The following FRS2 variants were observed in gnomAD, a reference collection of about 807,000 sequenced individuals.
The protein encoded by FRS2 is fibroblast growth factor receptor substrate 2.
FRS2 carries 8 observed loss-of-function variants against 43.9 expected under a neutral mutation model. The ratio of observed to expected loss-of-function variants is 0.18; its 90% CI spans 0.11 to 0.33. The LOEUF is 0.33. Ranked by LOEUF, FRS2 falls within the 10% of genes least tolerant of loss-of-function variation. FRS2 has a pLI of 1.00. For synonymous variants in FRS2, 219 were observed against 220.3 expected, an observed-to-expected ratio of 0.99 and a Z score of 0.05; for missense variants, 534 against 627.6, an observed-to-expected ratio of 0.85 and a Z score of 1.59.
chr12:69,480,595 A>G (rs1490584837), intron 1 of FRS2, among the ~76,000 whole-genome samples: 1 of 152,208 alleles, frequency 6.6e-6, no homozygotes, highest in East Asian at 1.9e-4. Flanking sequence ...CTTCCCAAGT[A>G]TCTGGGAGCA....
At chr12:69,495,203 C>T (rs1370132923) in intron 1 of FRS2, among the ~76,000 whole-genome samples, 1 of 152,136 alleles carries the variant, frequency 6.6e-6, no homozygotes, top group Non-Finnish European at 1.5e-5. Context: ...TTTCTCATCC[C>T]AGAACACATA....
Position 69,562,200 on chromosome 12 carries a change from A to C in FRS2, c.-101A>C, listed in dbSNP as rs1457995356. 1 of 398,240 alleles carries C rather than the reference A, an allele frequency of 2.5e-6. No individual in the cohort carries two copies. The highest frequency in any genetic ancestry group is 4.4e-6 in the Non-Finnish European group (1 of 225,914). 24.7% of individuals were successfully genotyped at this position (398,240 alleles called of 1,614,324 possible). On this transcript the variant is annotated 5_prime_UTR_variant, in exon 4 of 9. Transcript: ENST00000549921. ...TTTAGGTTAAATCAGCAAACAAAGA[A>C]AACATGGTATTTTGAAATATGATTA...
At chr12:69,482,744 C>T (rs2120766717) in intron 1 of FRS2, among the ~76,000 whole-genome samples, 1 of 152,308 alleles carries the variant, frequency 6.6e-6, no homozygotes, top group Admixed American at 6.5e-5. Context: ...AGGGCTCTTG[C>T]TTAATAAATT....
chr12:69,472,504 ATAGT>A (rs555760681), intron 1 of FRS2, among the ~76,000 whole-genome samples: 3 of 152,208 alleles, frequency 2.0e-5, no homozygotes, highest in Non-Finnish European at 2.9e-5. Context: ...ATCTGGAAAA[ATAGT>A]TAAGTTAGAT....
chr12:69,568,937 A>C, intron 4 of FRS2, 68 bp from the exon 5 acceptor site: 1 of 707,212 alleles, frequency 1.4e-6, no homozygotes, highest in South Asian at 2.0e-5. Context: ...TGATTTCTAA[A>C]GTCTTTTTCT....
chr12:69,513,339 ATT>A (rs1655221009), intron 1 of FRS2, among the ~76,000 whole-genome samples: 1 of 151,840 alleles, frequency 6.6e-6, no homozygotes, highest in African/African-American at 2.4e-5. Context: ...ATATATATAT[ATT>A]TTATTCATTA....
chr12:69,564,593 C>T (rs2098777183), intron 4 of FRS2, among the ~76,000 whole-genome samples: 1 of 152,108 alleles, frequency 6.6e-6, no homozygotes, highest in African/African-American at 2.4e-5. Flanking sequence ...TATGTCAAGT[C>T]AGTTCTTTGG....
chr12:69,556,022 G>GT (rs1879316769), intron 3 of FRS2, among the ~76,000 whole-genome samples: 2 of 150,162 alleles, frequency 1.3e-5, no homozygotes, highest in African/African-American at 4.9e-5. Context: ...GGGGGGGGCG[G>GT]TGTACACATG....
chr12:69,549,398 G>A (rs917004010), intron 3 of FRS2, among the ~76,000 whole-genome samples: 1 of 150,608 alleles, frequency 6.6e-6, no homozygotes, highest in Non-Finnish European at 1.5e-5. Flanking sequence ...ATGTAAAGTA[G>A]TTCAGATTTA....
intron 3 of FRS2, among the ~76,000 whole-genome samples, chr12:69,546,134 A>G (rs957406295): frequency 7.9e-5 from 12 of 152,236 alleles, no homozygotes; most frequent in African/African-American, 2.9e-4. Context: ...GGACTTGAAT[A>G]GACATTACAC....
intron 3 of FRS2, among the ~76,000 whole-genome samples, chr12:69,551,381 C>G (rs1253415322): frequency 1.4e-5 from 1 of 73,262 alleles, no homozygotes; most frequent in Non-Finnish European, 2.8e-5. Context: ...AACCCAACTA[C>G]CAGTAATTAT....
chr12:69,505,318 G>A lies in FRS2; in HGVS notation c.-260-25547G>A, dbSNP rs80346080. ...ATATAGTTCTGTGGAACATTTCTCT[G>A]CTTTTACAGTGGTGGAATAGTAGGA... On this transcript the variant is annotated intron_variant, in intron 1 of 8. Coordinates refer to ENST00000549921, the MANE Select transcript of FRS2 (RefSeq NM_001278356.2). 8.3e-4 allele frequency among the ~76,000 whole-genome samples: 127 copies of A among 152,302 alleles called. 2 individuals are homozygous for A. In the East Asian group the frequency reaches 0.021, roughly 26 times the overall value.
chr12:69,530,183 C>CTTACAACAATTAATGATAATAATTGT (rs2135659752), intron 1 of FRS2, among the ~76,000 whole-genome samples: 1 of 146,184 alleles, frequency 6.8e-6, no homozygotes, highest in African/African-American at 2.7e-5. Flanking sequence ...ATAATAATTG[C>CTTACAACAATTAATGATAATAATTGT]TTACAACAAT....
intron 1 of FRS2, among the ~76,000 whole-genome samples, chr12:69,490,870 G>A (rs1872416318): frequency 6.6e-6 from 1 of 152,204 alleles, no homozygotes; most frequent in Non-Finnish European, 1.5e-5. Context: ...AGATAAAAGA[G>A]TAGAACTATT....
chr12:69,482,284 A>G (rs57332150), intron 1 of FRS2, among the ~76,000 whole-genome samples: 36 of 152,302 alleles, frequency 2.4e-4, no homozygotes, highest in African/African-American at 8.2e-4. Flanking sequence ...ATTTCTTTTT[A>G]TTAAACAATC....
intron 3 of FRS2, among the ~76,000 whole-genome samples, chr12:69,538,148 T>G (rs1252607214): frequency 6.8e-6 from 1 of 146,086 alleles, no homozygotes; most frequent in African/African-American, 2.6e-5. Context: ...CTTTTTACAT[T>G]TGTGCCAAAA....
At chr12:69,565,065 A>G (rs764309652) in intron 4 of FRS2, among the ~76,000 whole-genome samples, 5 of 152,250 alleles carry the variant, frequency 3.3e-5, no homozygotes, top group Non-Finnish European at 5.9e-5. Flanking sequence ...GTACTTACAC[A>G]AACCTAAATG....
chr12:69,493,407 G>T (rs1019587456), intron 1 of FRS2, among the ~76,000 whole-genome samples: 2 of 152,148 alleles, frequency 1.3e-5, no homozygotes, highest in Admixed American at 6.6e-5. Flanking sequence ...CTGTTAAAAT[G>T]TGCTGCCGTC....
chr12:69,561,536 A>G (rs1452024196), intron 3 of FRS2, among the ~76,000 whole-genome samples: 2 of 152,150 alleles, frequency 1.3e-5, no homozygotes, highest in Non-Finnish European at 2.9e-5. Flanking sequence ...AGGGTAAATA[A>G]ATTGACCAGA....
Sources: allele counts gnomAD v4.1 joint callset (sites outside exome capture counted in the v4.1 genomes callset), GRCh38; gene constraint gnomAD v4.1.1; transcripts MANE v1.5; gene names NCBI Gene and HGNC (gene_info 2026-07-23, HGNC 2026-07-21).